SPDYA: variants seen among roughly 807,000 people sequenced by gnomAD.
The protein encoded by SPDYA is speedy protein A.
Under a neutral mutation model 36.7 loss-of-function variants are expected in SPDYA, and 11 were observed. The observed-to-expected ratio is 0.30, with a 90% CI of 0.19 to 0.50. SPDYA has a LOEUF of 0.50. Among genes scored for constraint, SPDYA ranks in the 20% least tolerant of loss-of-function variants. The pLI is 0.98. For synonymous variants in SPDYA, 115 were observed against 118.7 expected (o/e 0.97, Z 0.20); for missense variants, 287 against 370.9 (o/e 0.77, Z 1.86).
intron 6 of SPDYA, among the ~76,000 whole-genome samples, chr2:28,830,879 A>G (rs944386859): frequency 4.6e-5 from 7 of 152,202 alleles, no homozygotes; most frequent in Admixed American, 3.3e-4. Context: ...GAAAAATTCT[A>G]GAGTAGAAAA....
intron 6 of SPDYA, among the ~76,000 whole-genome samples, chr2:28,831,184 CTG>C (rs2148093979): frequency 6.6e-6 from 1 of 152,202 alleles, no homozygotes; most frequent in South Asian, 2.1e-4. Context: ...TGGCAAAACA[CTG>C]TCTCCACAAA....
chr2:28,849,105 C>T (rs927745222), intron 7 of SPDYA, among the ~76,000 whole-genome samples: 5 of 151,496 alleles, frequency 3.3e-5, no homozygotes, highest in African/African-American at 9.7e-5. Context: ...TAAACAGAGA[C>T]CTAATCATTC....
At chr2:28,835,212 C>A (rs1255410996) in intron 6 of SPDYA, among the ~76,000 whole-genome samples, 1 of 151,524 alleles carries the variant, frequency 6.6e-6, no homozygotes, top group East Asian at 1.9e-4. Flanking sequence ...CAGATGTGAG[C>A]CATAGTGCCT....
At chr2:28,815,862 T>A in intron 2 of SPDYA, 135 bp from the exon 3 acceptor site, 1 of 576,412 alleles carries the variant, frequency 1.7e-6, no homozygotes, top group South Asian at 2.7e-5. Context: ...TTAATGGGAG[T>A]CACTGTCACA....
chr2:28,829,113 C>G, intron 5 of SPDYA, 35 bp from the exon 6 acceptor site: 1 of 1,586,182 alleles, frequency 6.3e-7, no homozygotes, highest in South Asian at 1.1e-5. Flanking sequence ...TGTCCTTTAC[C>G]CATTTCTTTT....
At chr2:28,838,482 A>G (rs1398456213) in intron 6 of SPDYA, among the ~76,000 whole-genome samples, 7 of 152,120 alleles carry the variant, frequency 4.6e-5, no homozygotes, top group Admixed American at 4.6e-4. Flanking sequence ...CACCTGCCAG[A>G]GTAACAGAAT....
intron 6 of SPDYA, among the ~76,000 whole-genome samples, chr2:28,834,322 A>T (rs1294155456): frequency 6.6e-6 from 1 of 152,186 alleles, no homozygotes; most frequent in African/African-American, 2.4e-5. Flanking sequence ...AATTCCTCAC[A>T]AGGTTAACAT....
chr2:28,829,060 A>T, intron 5 of SPDYA, 88 bp from the exon 6 acceptor site: 2 of 1,205,986 alleles, frequency 1.7e-6, no homozygotes, highest in Non-Finnish European at 2.3e-6. Flanking sequence ...TCATGTGTTT[A>T]TAAACCACTT....
intron 6 of SPDYA, among the ~76,000 whole-genome samples, chr2:28,834,450 C>A (rs921989514): frequency 2.6e-5 from 4 of 152,058 alleles, no homozygotes; most frequent in African/African-American, 9.7e-5. Context: ...TTCATAATAG[C>A]CAAAGTACAA....
rs1023930011 is a variant in SPDYA, at chr2:28,811,634, G to A, written c.-93+687G>A. Among the ~76,000 whole-genome samples, 3 of 151,700 alleles carry A rather than the reference G, an allele frequency of 2.0e-5. No homozygotes were observed. Among genetic ancestry groups the A allele is most frequent in the Admixed American group, 6.6e-5 (1 of 15,214 alleles). The stretch of plus-strand genomic sequence containing the variant: ...CCAGGATTCGAGAGCAGCCCACAGC[G>A]AAAACCCCGTCTCTACAAAAAAATA... On this transcript the variant is annotated intron_variant, in intron 1 of 7. Transcript: ENST00000334056. The surrounding 1 kb of genome is among the most constrained non-coding windows in gnomAD (Gnocchi z 4.2).
At chr2:28,821,169 TATG>T (rs1320123292) in intron 4 of SPDYA, among the ~76,000 whole-genome samples, 1 of 151,342 alleles carries the variant, frequency 6.6e-6, no homozygotes, top group African/African-American at 2.4e-5. Context: ...CATGTGGAGT[TATG>T]ATGTGATTTT....
chr2:28,850,152 T>G lies in SPDYA; in HGVS notation c.*211T>G, dbSNP rs1449192157. On this transcript the variant is annotated 3_prime_UTR_variant, in exon 8 of 8. Coordinates refer to ENST00000334056, the MANE Select transcript of SPDYA (RefSeq NM_182756.4). The stretch of plus-strand genomic sequence containing the variant: ...CAGTGATTTTCAATATAAAGTTCTA[T>G]TTTGATATTTTTCCATCTTCAAGTC... 6.5e-7 allele frequency: 1 copy of G among 1,545,644 alleles called. No homozygotes were observed. The highest frequency in any genetic ancestry group is 2.2e-5 in the East Asian group (1 of 44,468).
chr2:28,832,014 TAA>T (rs1350189546), intron 6 of SPDYA, among the ~76,000 whole-genome samples: 1 of 152,216 alleles, frequency 6.6e-6, no homozygotes, highest in Non-Finnish European at 1.5e-5. Context: ...AGAATTGCTC[TAA>T]GATATCCATC....
chr2:28,829,785 A>C (rs1668428583), intron 6 of SPDYA, among the ~76,000 whole-genome samples: 1 of 151,984 alleles, frequency 6.6e-6, no homozygotes, highest in Non-Finnish European at 1.5e-5. Flanking sequence ...TACTAAAAAT[A>C]CAAAAAAAAT....
intron 6 of SPDYA, among the ~76,000 whole-genome samples, chr2:28,839,646 C>G (rs964609113): frequency 3.3e-5 from 5 of 152,178 alleles, no homozygotes; most frequent in African/African-American, 7.2e-5. Flanking sequence ...GGACTACAGG[C>G]GCCCACAACC....
chr2:28,818,982 AAATT>A, intron 3 of SPDYA, 62 bp from the exon 4 acceptor site: 1 of 1,270,644 alleles, frequency 7.9e-7, no homozygotes, highest in Non-Finnish European at 1.1e-6. Flanking sequence ...CTTGACATAG[AAATT>A]AATTCTTCAA....
intron 6 of SPDYA, among the ~76,000 whole-genome samples, chr2:28,831,574 CTT>C (rs1668480172): frequency 1.3e-5 from 2 of 152,150 alleles, no homozygotes; most frequent in African/African-American, 4.8e-5. Context: ...TATCACAATA[CTT>C]TGTTTCCTTC....
chr2:28,820,291 G>A (rs1668124311), intron 4 of SPDYA, among the ~76,000 whole-genome samples: 1 of 151,980 alleles, frequency 6.6e-6, no homozygotes, highest in Admixed American at 6.6e-5. Flanking sequence ...TTTAGATTTT[G>A]TTGAATGGTT....
chr2:28,835,742 C>T (rs1182090873), intron 6 of SPDYA, among the ~76,000 whole-genome samples: 1 of 152,184 alleles, frequency 6.6e-6, no homozygotes, highest in Non-Finnish European at 1.5e-5. Context: ...GATAGAGAAG[C>T]TGTTTTTTGG....
Sources: gnomAD v4.1 joint callset for allele counts (sites outside exome capture counted in the v4.1 genomes callset) on GRCh38, gnomAD v4.1.1 for gene constraint, Gnocchi (gnomAD v3.1) non-coding constraint, MANE v1.5 for transcripts, NCBI Gene and HGNC (gene_info 2026-07-23, HGNC 2026-07-21) for gene names.